The following HNF1B variants were observed in gnomAD, a reference collection of about 807,000 sequenced individuals.
The protein encoded by HNF1B is hepatocyte nuclear factor 1-beta.
In HNF1B, 8 loss-of-function variants were observed where a neutral mutation model predicts 61.7. The observed-to-expected ratio is 0.13, with a 90% CI of 0.08 to 0.23. HNF1B has a LOEUF of 0.23. HNF1B is among the 10% of genes least tolerant of loss of function. The probability of loss-of-function intolerance (pLI) is 1.00; values close to 1 mark genes in which losing one functional copy is unlikely to be tolerated. For missense variants in HNF1B, 562 were observed against 714.5 expected (o/e 0.79, Z 2.43); for synonymous variants, 314 against 287.7 (o/e 1.09, Z -0.93).
chr17:37,723,485 C>T (rs2033392788), intron 4 of HNF1B, among the ~76,000 whole-genome samples: 1 of 152,222 alleles, frequency 6.6e-6, no homozygotes, highest in Admixed American at 6.5e-5. Flanking sequence ...CCCCACCAAT[C>T]CATGGTCTTC....
intron 1 of HNF1B, among the ~76,000 whole-genome samples, chr17:37,743,324 A>G (rs2034058695): frequency 6.6e-6 from 1 of 152,204 alleles, no homozygotes; most frequent in African/African-American, 2.4e-5. Context: ...CGCCTCGCGG[A>G]ACTCTCTTGC....
intron 4 of HNF1B, among the ~76,000 whole-genome samples, chr17:37,715,951 G>A (rs2033094235): frequency 6.6e-6 from 1 of 152,138 alleles, no homozygotes; most frequent in African/African-American, 2.4e-5. Flanking sequence ...GGCCAACATG[G>A]TGAAACCCTG....
At chr17:37,714,363 TCTTC>T (rs909410300) in intron 4 of HNF1B, among the ~76,000 whole-genome samples, 3 of 152,224 alleles carry the variant, frequency 2.0e-5, no homozygotes, top group African/African-American at 2.4e-5. Flanking sequence ...CATCTTCCCT[TCTTC>T]CTTCACCAAT....
intron 8 of HNF1B, among the ~76,000 whole-genome samples, chr17:37,692,179 C>CA (rs1445365793): frequency 0.022 from 3,275 of 152,274 alleles, 102 homozygotes; most frequent in African/African-American, 0.073. Context: ...GGATTCTTGG[C>CA]GCGAGAAGTC....
intron 3 of HNF1B, among the ~76,000 whole-genome samples, chr17:37,732,859 T>TA (rs1477525622): frequency 2.0e-5 from 3 of 151,732 alleles, no homozygotes; most frequent in Admixed American, 6.6e-5. Flanking sequence ...GTTTTTTTTT[T>TA]AAATAGAGAT....
intron 7 of HNF1B, 137 bp downstream of exon 7, chr17:37,700,846 G>A: frequency 1.3e-6 from 1 of 777,522 alleles, no homozygotes; most frequent in Non-Finnish European, 2.2e-6. Context: ...TTGAGAAATT[G>A]TCTTAGTCGG....
chr17:37,708,567 C>A (rs1440908749), intron 5 of HNF1B, among the ~76,000 whole-genome samples: 3 of 152,216 alleles, frequency 2.0e-5, no homozygotes, highest in African/African-American at 7.2e-5. Flanking sequence ...CTGGAAGGTT[C>A]TTCCACACTG....
intron 5 of HNF1B, among the ~76,000 whole-genome samples, chr17:37,707,549 T>C (rs796965856): frequency 2.0e-5 from 3 of 152,326 alleles, no homozygotes; most frequent in African/African-American, 7.2e-5. Context: ...CTCTTCACTA[T>C]GCTAGGTTCT....
intron 5 of HNF1B, among the ~76,000 whole-genome samples, chr17:37,705,468 T>C (rs2032714648): frequency 6.6e-6 from 1 of 152,176 alleles, no homozygotes; most frequent in African/African-American, 2.4e-5. Flanking sequence ...TTACTAAGGG[T>C]TGGGGGAGAT....
Position 37,707,181 on chromosome 17 carries a change from T to C in HNF1B, c.1207-2132A>G, listed in dbSNP as rs574390578. On this transcript the variant is annotated intron_variant, in intron 5 of 8. Coordinates refer to ENST00000617811, the MANE Select transcript of HNF1B (RefSeq NM_000458.4). ...CCAAGGCTGGAGTGCAGTGGCATGA[T>C]CACAGCTCACTGCAGCTTCGAACTC... Among the ~76,000 whole-genome samples the C allele has an allele frequency of 9.9e-5, 15 of 151,744 alleles. No homozygotes were observed. In the South Asian group the frequency reaches 2.3e-3, roughly 23 times the overall value.
At chr17:37,702,973 G>A (rs993743524) in intron 6 of HNF1B, among the ~76,000 whole-genome samples, 2 of 152,250 alleles carry the variant, frequency 1.3e-5, no homozygotes, top group Non-Finnish European at 2.9e-5. Context: ...CCAGTCCAGG[G>A]AAGAGATGAG....
chr17:37,725,692 C>G (rs1598833725), intron 4 of HNF1B, among the ~76,000 whole-genome samples: 1 of 152,346 alleles, frequency 6.6e-6, no homozygotes, highest in Admixed American at 6.5e-5. Flanking sequence ...AAATAATCTG[C>G]TACTTAAGGA....
intron 4 of HNF1B, among the ~76,000 whole-genome samples, chr17:37,722,367 T>G (rs1051514208): frequency 1.3e-5 from 2 of 152,152 alleles, no homozygotes; most frequent in African/African-American, 4.8e-5. Context: ...TAAGCCTCAT[T>G]GCACCCCTAA....
intron 8 of HNF1B, among the ~76,000 whole-genome samples, chr17:37,696,726 GAA>G (rs2147435238): frequency 6.6e-6 from 1 of 152,338 alleles, no homozygotes; most frequent in Admixed American, 6.5e-5. Flanking sequence ...AAATGAATTT[GAA>G]ATTCCTGTTG....
At chr17:37,715,818 T>C (rs1420330689) in intron 4 of HNF1B, among the ~76,000 whole-genome samples, 2 of 152,170 alleles carry the variant, frequency 1.3e-5, no homozygotes, top group Non-Finnish European at 2.9e-5. Context: ...TGGTAATCTT[T>C]TTATTGGATT....
At position 37,710,561 on chromosome 17, in the gene HNF1B, T is replaced by G; in HGVS notation, c.1148A>C (p.Gln383Pro). The G allele has an allele frequency of 1.9e-6, 3 of 1,614,200 alleles. No homozygotes were observed. The South Asian group carries it at 3.3e-5, about 18-fold the overall frequency. Reference protein sequence around the residue: ...AMVTSQSVLQQVSPASLDPGH... With the variant: ...AMVTSQSVLQPVSPASLDPGH... Reference sequence around the variant, plus strand: ...TGGGTCCAGGCTGGCTGGGGAGACTTGCTGTAAAACCGACTGGCTGGTCAC... The same window carrying G: ...TGGGTCCAGGCTGGCTGGGGAGACTGGCTGTAAAACCGACTGGCTGGTCAC... Residue 383 changes from glutamine to proline, a missense_variant, in exon 5 of 9, where the codon CAA becomes CCA. This residue lies in a region of HNF1B where 211 missense variants were observed against 200.7 expected (regional missense o/e 1.05). Transcript: ENST00000617811.
At chr17:37,718,056 T>C (rs2147498310) in intron 4 of HNF1B, among the ~76,000 whole-genome samples, 1 of 152,182 alleles carries the variant, frequency 6.6e-6, no homozygotes, top group Non-Finnish European at 1.5e-5. Context: ...ACAGTAAACA[T>C]TCTTGACTCA....
chr17:37,728,251 C>T (rs1261758818), intron 4 of HNF1B, among the ~76,000 whole-genome samples: 1 of 151,822 alleles, frequency 6.6e-6, no homozygotes, highest in African/African-American at 2.4e-5. Flanking sequence ...ATCTGCCTGC[C>T]TTGGCCTTCC....
chr17:37,742,290 G>A (rs1273961274), intron 1 of HNF1B, among the ~76,000 whole-genome samples: 1 of 152,232 alleles, frequency 6.6e-6, no homozygotes, highest in Admixed American at 6.5e-5. Flanking sequence ...CCTCGAGGCC[G>A]CGAGAAAGGC....
Sources: allele counts gnomAD v4.1 joint callset (sites outside exome capture counted in the v4.1 genomes callset), GRCh38; gene constraint gnomAD v4.1.1; regional missense constraint gnomAD v4.1.1; transcripts MANE v1.5; gene names NCBI Gene and HGNC (gene_info 2026-07-23, HGNC 2026-07-21).